PCYT1A: variants seen among roughly 807,000 people sequenced by gnomAD.
The protein encoded by PCYT1A is phosphate cytidylyltransferase 1A, choline.
Under a neutral mutation model 43.7 loss-of-function variants are expected in PCYT1A, and 25 were observed. The ratio of observed to expected loss-of-function variants is 0.57; its 90% CI spans 0.42 to 0.80. The LOEUF is 0.80. Among genes scored for constraint, PCYT1A ranks in the 30% least tolerant of loss-of-function variants. The pLI is 0.00. For missense variants in PCYT1A, 421 were observed against 474.2 expected, an observed-to-expected ratio of 0.89 and a Z score of 1.04; for synonymous variants, 172 against 170.7, an observed-to-expected ratio of 1.01 and a Z score of -0.06.
rs58013524 is a variant in PCYT1A at position 196,276,489 on chromosome 3, G to T, written c.-10-5948C>A. Reference sequence around the variant, plus strand: ...TTGGTGGTGCATTCCTGTAATCCCAGCTACTCAGGAGACTGAGGCGGGAGG... The same window carrying T: ...TTGGTGGTGCATTCCTGTAATCCCATCTACTCAGGAGACTGAGGCGGGAGG... On this transcript the variant is annotated intron_variant, in intron 1 of 8. Coordinates refer to ENST00000431016, the MANE Select transcript of PCYT1A (RefSeq NM_001312673.2). 5.1e-3 allele frequency among the ~76,000 whole-genome samples: 769 copies of T among 151,984 alleles called. 8 individuals are homozygous for T. The highest frequency in any genetic ancestry group is 0.017 in the African/African-American group (721 of 41,432).
intron 7 of PCYT1A, chr3:196,240,747 T>A (rs1724323863): frequency 6.6e-6 from 1 of 152,050 alleles, no homozygotes; most frequent in Non-Finnish European, 1.5e-5. Context: ...AGAAAAGGGA[T>A]TATGTTTAGA....
Position 196,268,322 on chromosome 3 carries a change from C to A in PCYT1A, c.117+2093G>T, listed in dbSNP as rs1725336253. ...GCTGAATTGGTACACACCACCATTT[C>A]TTTAATCTGAATTATCTAAGAAATA... is the stretch of plus-strand genomic sequence containing the variant. On this transcript the variant is annotated intron_variant, in intron 2 of 8. Coordinates refer to ENST00000431016, the MANE Select transcript of PCYT1A (RefSeq NM_001312673.2). The surrounding 1 kb of genome is among the most constrained non-coding windows in gnomAD (Gnocchi z 4.4). Among the ~76,000 whole-genome samples the A allele has an allele frequency of 6.6e-6, 1 of 152,198 alleles. No homozygotes were observed. Among genetic ancestry groups the A allele is most frequent in the South Asian group, 2.1e-4 (1 of 4,830 alleles).
rs1724397271 is a variant in PCYT1A at position 196,242,774 on chromosome 3, G to C, written c.487-134C>G. The C allele has an allele frequency of 6.0e-6, 4 of 665,608 alleles. No individual in the cohort carries two copies. In the East Asian group the frequency reaches 1.1e-4, roughly 17 times the overall value. The allele number at this position is 665,608 out of a possible 1,614,324, so 41.2% of individuals were successfully genotyped here. On this transcript the variant is annotated intron_variant, in intron 5 of 8. Transcript: ENST00000431016. The surrounding 1 kb of genome is among the most constrained non-coding windows in gnomAD (Gnocchi z 4.2). ...TGGACTTCATATCTCTCTTTGCTTT[G>C]CTCATAAATTCTACAATCTATTCAC...
chr3:196,260,640 G>A (rs750153678), intron 2 of PCYT1A, among the ~76,000 whole-genome samples: 1 of 152,104 alleles, frequency 6.6e-6, no homozygotes, highest in South Asian at 2.1e-4. Context: ...TCGGGAGTTC[G>A]AGACCAGCCT....
At chr3:196,246,498 A>G (rs1190581927) in intron 5 of PCYT1A, among the ~76,000 whole-genome samples, 4 of 152,082 alleles carry the variant, frequency 2.6e-5, no homozygotes, top group Non-Finnish European at 5.9e-5. Flanking sequence ...GGCCTCCCAA[A>G]GTGCTTGGAT....
chr3:196,285,369 G>A (rs1725880905), intron 1 of PCYT1A, among the ~76,000 whole-genome samples: 1 of 152,148 alleles, frequency 6.6e-6, no homozygotes, highest in Non-Finnish European at 1.5e-5. Flanking sequence ...TGAGGTAGGA[G>A]AATCGCTTTG....
At chr3:196,280,570 G>GTTATTTTTTTTTT (rs1725736275) in intron 1 of PCYT1A, among the ~76,000 whole-genome samples, 1 of 91,344 alleles carries the variant, frequency 1.1e-5, no homozygotes, top group African/African-American at 4.2e-5. Flanking sequence ...TATTTTTATT[G>GTTATTTTTTTTTT]TTTTTTTTTT....
At chr3:196,262,143 A>T (rs1302304660) in intron 2 of PCYT1A, among the ~76,000 whole-genome samples, 1 of 152,200 alleles carries the variant, frequency 6.6e-6, no homozygotes, top group East Asian at 1.9e-4. Flanking sequence ...TTTTAACCTC[A>T]AGGGAATGCC....
At chr3:196,263,021 C>CTGA (rs1725161998) in intron 2 of PCYT1A, among the ~76,000 whole-genome samples, 1 of 151,992 alleles carries the variant, frequency 6.6e-6, no homozygotes, top group South Asian at 2.1e-4. Context: ...TTTTGAACTC[C>CTGA]CGACCTCATG....
intron 3 of PCYT1A, among the ~76,000 whole-genome samples, chr3:196,249,372 C>G (rs1278604318): frequency 6.9e-6 from 1 of 144,874 alleles, no homozygotes; most frequent in Non-Finnish European, 1.5e-5. Flanking sequence ...AACTCCTGGA[C>G]TCAAGCAATC....
At chr3:196,266,091 A>G (rs2108775848) in intron 2 of PCYT1A, among the ~76,000 whole-genome samples, 1 of 152,038 alleles carries the variant, frequency 6.6e-6, no homozygotes, top group South Asian at 2.1e-4. Context: ...TAGGCTATAG[A>G]ATTCTACTCT....
At chr3:196,260,134 G>A (rs1354515513) in intron 2 of PCYT1A, among the ~76,000 whole-genome samples, 2 of 151,644 alleles carry the variant, frequency 1.3e-5, no homozygotes, top group Non-Finnish European at 2.9e-5. Flanking sequence ...TGTCGGCCAG[G>A]CTGGTCTTGA....
intron 1 of PCYT1A, among the ~76,000 whole-genome samples, chr3:196,278,518 C>A (rs1048207312): frequency 1.3e-5 from 2 of 152,132 alleles, no homozygotes; most frequent in Non-Finnish European, 2.9e-5. Flanking sequence ...AGGAGGCGAA[C>A]ATGGGGCAGT....
chr3:196,268,494 ACT>A lies in PCYT1A; in HGVS notation c.117+1919_117+1920del, dbSNP rs748939067. ...TGTTTTACCATACATGGCAAAAGAG[ACT>A]CTGCAGGCCAGGCACAGTGGCTCAC... On this transcript the variant is annotated intron_variant, in intron 2 of 8. Transcript: ENST00000431016. This position sits in a 1 kb window ranked among gnomAD's most constrained non-coding sequence, Gnocchi z 4.4. 6.6e-6 allele frequency among the ~76,000 whole-genome samples: 1 copy of A among 152,028 alleles called. No homozygotes were observed. Among genetic ancestry groups the A allele is most frequent in the Admixed American group, 6.6e-5 (1 of 15,234 alleles).
At chr3:196,241,073 C>T (rs1224641721) in intron 7 of PCYT1A, among the ~76,000 whole-genome samples, 4 of 141,670 alleles carry the variant, frequency 2.8e-5, no homozygotes, top group African/African-American at 5.2e-5. Context: ...GGGGTCCGAT[C>T]GCTTGAGGCC....
At chr3:196,266,018 C>T (rs541889825) in intron 2 of PCYT1A, among the ~76,000 whole-genome samples, 269 of 149,478 alleles carry the variant, frequency 1.8e-3, no homozygotes, top group Middle Eastern at 3.4e-3. Context: ...GGATGACAGG[C>T]GTGAGCCACT....
intron 1 of PCYT1A, among the ~76,000 whole-genome samples, chr3:196,275,821 GGCACGGTGGCTCACACCTGTAATCCCA>G (rs1387881855): frequency 5.3e-5 from 8 of 152,186 alleles, no homozygotes; most frequent in Admixed American, 2.0e-4. Flanking sequence ...AATGCAGCCA[GGCACGGTGGCTCACACCTGTAATCCCA>G]GCACTTTGGG....
rs892259432 is a variant in PCYT1A, at chr3:196,267,225, G to A, written c.117+3190C>T. On this transcript the variant is annotated intron_variant, in intron 2 of 8. Transcript: ENST00000431016. The stretch of plus-strand genomic sequence containing the variant: ...TAAGTACTTGTACATGTTGCAGTAC[G>A]AATGAATCTTCAAAACAAGCTCAGT... 3.9e-4 allele frequency: 163 copies of A among 419,076 alleles called. 2 individuals carry two copies. The highest frequency in any genetic ancestry group is 1.1e-4 in the Admixed American group (4 of 36,422). The allele number at this position is 419,076 out of a possible 1,614,324, so 26.0% of individuals were successfully genotyped here.
Position 196,238,279 on chromosome 3 carries a change from C to T in PCYT1A, c.*409G>A, listed in dbSNP as rs994236765. The T allele has an allele frequency of 1.9e-5, 3 of 156,050 alleles. No homozygotes were observed. The Admixed American group carries it at 2.0e-4, about 10-fold the overall frequency. 9.7% of individuals were successfully genotyped at this position (156,050 alleles called of 1,614,324 possible). On this transcript the variant is annotated 3_prime_UTR_variant, in exon 9 of 9. Transcript: ENST00000431016. ...AACGGAAGGCAAATGCTATAGTATA[C>T]CGGGAAGAAAAGGCCTCTGCGTATT...
Sources: gnomAD v4.1 joint callset for allele counts (sites outside exome capture counted in the v4.1 genomes callset) on GRCh38, gnomAD v4.1.1 for gene constraint, Gnocchi (gnomAD v3.1) non-coding constraint, MANE v1.5 for transcripts, NCBI Gene and HGNC (gene_info 2026-07-23, HGNC 2026-07-21) for gene names.